YIPF5: variants seen among roughly 807,000 people sequenced by gnomAD.
YIPF5 encodes Yip1 domain family member 5, also known as protein YIPF5.
In YIPF5, 8 loss-of-function variants were observed where a neutral mutation model predicts 30.4. That is an observed-to-expected ratio of 0.26 (90% confidence interval 0.15 to 0.47). YIPF5 has a LOEUF of 0.47. Ranked by LOEUF, YIPF5 falls within the 20% of genes least tolerant of loss-of-function variation. YIPF5 has a pLI of 0.99. For missense variants in YIPF5, 282 were observed against 301.8 expected (o/e 0.93, Z 0.49); for synonymous variants, 104 against 107.9 (o/e 0.96, Z 0.23).
At chr5:144,163,099 A>C (rs1359819785) in intron 4 of YIPF5, among the ~76,000 whole-genome samples, 1 of 152,234 alleles carries the variant, frequency 6.6e-6, no homozygotes, top group East Asian at 1.9e-4. Flanking sequence ...TTATCCTGTT[A>C]GTGAAGTTTG....
intron 3 of YIPF5, 27 bp from the exon 4 acceptor site, chr5:144,164,283 A>T (rs1752136417): frequency 6.3e-7 from 1 of 1,586,228 alleles, no homozygotes; most frequent in Non-Finnish European, 8.6e-7. Context: ...TTTAAAAGTT[A>T]ATTAGGATTT....
intron 1 of YIPF5, 198 bp from the exon 2 acceptor site, chr5:144,170,163 C>T (rs112275528): frequency 7.1e-6 from 4 of 561,778 alleles, no homozygotes; most frequent in African/African-American, 3.8e-5. Context: ...TTTTAAGTTG[C>T]GGCCCAGTAA....
chr5:144,164,985 C>T (rs528376147), intron 3 of YIPF5, among the ~76,000 whole-genome samples: 67 of 152,180 alleles, frequency 4.4e-4, no homozygotes, highest in African/African-American at 1.6e-3. Flanking sequence ...AGTGTTCATA[C>T]CTTTCATTAG....
chr5:144,166,226 T>G (rs966609828), intron 2 of YIPF5, among the ~76,000 whole-genome samples: 1 of 152,200 alleles, frequency 6.6e-6, no homozygotes, highest in Non-Finnish European at 1.5e-5. Flanking sequence ...ATTTGAATAG[T>G]ACTTTAGCAA....
At chr5:144,164,277 A>T (rs1298666563) in intron 3 of YIPF5, 21 bp from the exon 4 acceptor site, 2 of 1,590,046 alleles carry the variant, frequency 1.3e-6, no homozygotes, top group Admixed American at 1.8e-5. Context: ...AGAAAATTTA[A>T]AAGTTAATTA....
Position 144,159,477 on chromosome 5 carries a change from G to C in YIPF5, c.*920C>G. ...TGAGTTAACATTAATATGTAAGTAA[G>C]TGTTCGCATTTCATGTCTACAATAA... On this transcript the variant is annotated 3_prime_UTR_variant, in exon 6 of 6. Transcript: ENST00000274496. 11 of 984,428 alleles carry C rather than the reference G, an allele frequency of 1.1e-5. No individual in the cohort carries two copies. Among genetic ancestry groups the C allele is most frequent in the Non-Finnish European group, 1.1e-5 (9 of 829,666 alleles). 61.0% of individuals were successfully genotyped at this position (984,428 alleles called of 1,614,324 possible).
Position 144,162,345 on chromosome 5 carries a change from C to T in YIPF5, c.484G>A (p.Gly162Arg). 2 of 1,614,062 alleles carry T rather than the reference C, an allele frequency of 1.2e-6. No homozygotes were observed. Among genetic ancestry groups the T allele is most frequent in the Non-Finnish European group, 1.7e-6 (2 of 1,179,968 alleles). ...VYGISAIGCL[G>R]MFCLLNLMSM... ...ATTAAGTTTAATAAACAAAACATTC[C>T]TAGACATCCAATTGCACTGATCCCG... The change falls in exon 5 of 6, where the codon GGA (glycine) becomes AGA (arginine). Residue 162 changes from glycine to arginine, a missense_variant. Transcript: ENST00000274496.
In YIPF5 at chr5:144,165,569, C is replaced by A. The variant is rs761700274; in HGVS notation, c.146G>T (p.Arg49Ile). The A allele has an allele frequency of 6.2e-7, 1 of 1,614,112 alleles. No homozygotes were observed. The highest frequency in any genetic ancestry group is 2.2e-5 in the East Asian group (1 of 44,870). ...YAGYDYSQQG[R>I]FVPPDMMQPQ... is the part of the protein sequence containing the mutation. ...CTGCATCATGTCTGGAGGGACAAAT[C>A]TGCCTTGCTGCGAATAGTCATAGCC... The change falls in exon 3 of 6, where the codon AGA becomes ATA. Residue 49 changes from arginine (R) to isoleucine (I), a missense_variant. By Grantham distance (97) the Arg-to-Ile change is moderately conservative (BLOSUM62 -3). Transcript: ENST00000274496.
intron 5 of YIPF5, among the ~76,000 whole-genome samples, chr5:144,160,847 G>A (rs1046975705): frequency 6.6e-6 from 1 of 152,044 alleles, no homozygotes; most frequent in Non-Finnish European, 1.5e-5. Context: ...CATTTGGGCT[G>A]GATGCTATCT....
In YIPF5 at chr5:144,169,888, T is replaced by G; in HGVS notation, c.68A>C (p.Gln23Pro). 1.2e-6 allele frequency: 2 copies of G among 1,614,258 alleles called. No homozygotes were observed. The highest frequency in any genetic ancestry group is 8.5e-7 in the Non-Finnish European group (1 of 1,180,050). The change falls in exon 2 of 6, where the codon CAG becomes CCG. Residue 23 changes from glutamine (Q) to proline (P), a missense_variant. Physicochemically the swap from Gln to Pro is moderately conservative, Grantham distance 76. Coordinates refer to ENST00000274496, the MANE Select transcript of YIPF5 (RefSeq NM_030799.9). ...QTSYSIDDQS[Q>P]QSYDYGGSGG... Reference sequence around the variant, plus strand: ...ACTTCCTCCATAATCATAGGACTGCTGTGACTGATCATCGATGCTGTAACT... The same window carrying G: ...ACTTCCTCCATAATCATAGGACTGCGGTGACTGATCATCGATGCTGTAACT...
At chr5:144,163,424 T>C (rs1032652550) in intron 4 of YIPF5, among the ~76,000 whole-genome samples, 2 of 152,200 alleles carry the variant, frequency 1.3e-5, no homozygotes, top group Non-Finnish European at 2.9e-5. Flanking sequence ...TGTTTCACCT[T>C]CAAAATAATC....
intron 5 of YIPF5, among the ~76,000 whole-genome samples, chr5:144,162,012 T>C (rs1752062027): frequency 6.6e-6 from 1 of 152,220 alleles, no homozygotes; most frequent in Non-Finnish European, 1.5e-5. Context: ...TTCTTGATCA[T>C]GAGTAAAATA....
intron 3 of YIPF5, among the ~76,000 whole-genome samples, chr5:144,164,535 C>T (rs80090143): frequency 0.15 from 23,104 of 151,604 alleles, 1,928 homozygotes; most frequent in Admixed American, 0.25. Context: ...CACAGGTGTG[C>T]GCCACAACAC....
In YIPF5 at chr5:144,159,954, C is replaced by T. The variant is rs945338933; in HGVS notation, c.*443G>A. 258 of 948,562 alleles carry T rather than the reference C, an allele frequency of 2.7e-4. No individual in the cohort carries two copies. The highest frequency in any genetic ancestry group is 8.1e-4 in the East Asian group (7 of 8,648). 58.8% of individuals were successfully genotyped at this position (948,562 alleles called of 1,614,324 possible). On this transcript the variant is annotated 3_prime_UTR_variant, in exon 6 of 6. Coordinates refer to ENST00000274496, the MANE Select transcript of YIPF5 (RefSeq NM_030799.9). The stretch of plus-strand genomic sequence containing the variant: ...CGATCTCCTGCCCTTGTGATCCGCC[C>T]GCCTCGGCCTCCCAAAGTGCTGGGA...
chr5:144,162,100 A>G (rs1474857665), intron 5 of YIPF5, 118 bp downstream of exon 5: 4 of 1,125,846 alleles, frequency 3.6e-6, no homozygotes, highest in Non-Finnish European at 2.6e-6. Context: ...TGTCCCTACT[A>G]CAAGAGGCAC....
chr5:144,163,977 G>A, intron 4 of YIPF5, 134 bp downstream of exon 4: 1 of 959,522 alleles, frequency 1.0e-6, no homozygotes, highest in Non-Finnish European at 1.5e-6. Context: ...ATAAATACAA[G>A]CAACTCAGTA....
At chr5:144,163,863 T>A (rs1243205395) in intron 4 of YIPF5, 2 of 237,518 alleles carry the variant, frequency 8.4e-6, no homozygotes, top group South Asian at 1.7e-4. Context: ...TTGTTTACTA[T>A]TTTTTTTTTG....
chr5:144,161,399 C>A (rs1044804033), intron 5 of YIPF5, among the ~76,000 whole-genome samples: 1 of 124,436 alleles, frequency 8.0e-6, no homozygotes, highest in African/African-American at 3.1e-5. Flanking sequence ...CTGAAGTATG[C>A]AACAGGGCGA....
In YIPF5 at chr5:144,158,223, T is replaced by G; in HGVS notation, c.*2174A>C. ...ATAAATATGCCTACATAACAGAGTTTGATAAGAGAAGTTTTGGCTATATAC... is the reference window on the plus strand; with the variant it reads ...ATAAATATGCCTACATAACAGAGTTGGATAAGAGAAGTTTTGGCTATATAC... On this transcript the variant is annotated 3_prime_UTR_variant, in exon 6 of 6. Coordinates refer to ENST00000274496, the MANE Select transcript of YIPF5 (RefSeq NM_030799.9). 1 of 318,622 alleles carries G rather than the reference T, an allele frequency of 3.1e-6. No homozygotes were observed. Among genetic ancestry groups the G allele is most frequent in the Non-Finnish European group, 5.8e-6 (1 of 171,442 alleles). The allele number at this position is 318,622 out of a possible 1,614,324, so 19.7% of individuals were successfully genotyped here.
Sources: gnomAD v4.1 joint callset for allele counts (sites outside exome capture counted in the v4.1 genomes callset) on GRCh38, gnomAD v4.1.1 for gene constraint, MANE v1.5 for transcripts, NCBI Gene and HGNC (gene_info 2026-07-23, HGNC 2026-07-21) for gene names.